The following MYO1E variants were observed in gnomAD, a reference collection of about 807,000 sequenced individuals.
MYO1E encodes unconventional myosin-Ie.
In MYO1E, 68 loss-of-function variants were observed where a neutral mutation model predicts 151.1. That is an observed-to-expected ratio of 0.45 (90% CI 0.37 to 0.55). MYO1E has a LOEUF of 0.55. Among genes scored for constraint, MYO1E ranks in the 20% least tolerant of loss-of-function variants. The probability of loss-of-function intolerance (pLI) is 0.00; values close to 1 mark genes in which losing one functional copy is unlikely to be tolerated. For synonymous variants in MYO1E, 601 were observed against 501.7 expected (o/e 1.20, Z -2.64); for missense variants, 1,363 against 1,389.3 (o/e 0.98, Z 0.30).
Position 59,202,795 on chromosome 15 carries a change from G to A in MYO1E, c.1617-388C>T, listed in dbSNP as rs61126884. Among the ~76,000 whole-genome samples the A allele has an allele frequency of 6.6e-3, 1,002 of 152,200 alleles. 15 individuals carry two copies. The highest frequency in any genetic ancestry group is 0.023 in the African/African-American group (954 of 41,536). On this transcript the variant is annotated intron_variant, in intron 15 of 27. Coordinates refer to ENST00000288235, the MANE Select transcript of MYO1E (RefSeq NM_004998.4). Reference sequence around the variant, plus strand: ...CTCGCTCTACTGCCCAGGTTGGAGCGCAGGGGTTCAATCATGGCTCACTGC... The same window carrying A: ...CTCGCTCTACTGCCCAGGTTGGAGCACAGGGGTTCAATCATGGCTCACTGC...
At chr15:59,147,292 A>G (rs2079446884) in intron 26 of MYO1E, among the ~76,000 whole-genome samples, 1 of 152,182 alleles carries the variant, frequency 6.6e-6, no homozygotes, top group African/African-American at 2.4e-5. Context: ...TGCAGCTCAG[A>G]TGTTTAGTTA....
At chr15:59,212,029 G>A (rs2140341171) in intron 12 of MYO1E, among the ~76,000 whole-genome samples, 1 of 152,058 alleles carries the variant, frequency 6.6e-6, no homozygotes, top group South Asian at 2.1e-4. Context: ...TCTTCAGTGG[G>A]TCCTCATTCC....
chr15:59,291,606 C>T (rs371675976), intron 1 of MYO1E, among the ~76,000 whole-genome samples: 1 of 141,208 alleles, frequency 7.1e-6, no homozygotes, highest in African/African-American at 2.7e-5. Context: ...GAGGTCAAGG[C>T]GTGCGGATCA....
chr15:59,175,895 A>C (rs1253395349), intron 19 of MYO1E, among the ~76,000 whole-genome samples: 2 of 152,240 alleles, frequency 1.3e-5, no homozygotes, highest in Non-Finnish European at 2.9e-5. Flanking sequence ...AGGTTCAAGA[A>C]AAAACCTTGA....
intron 19 of MYO1E, among the ~76,000 whole-genome samples, chr15:59,176,087 C>A (rs1157369283): frequency 6.6e-6 from 1 of 152,154 alleles, no homozygotes; most frequent in Admixed American, 6.5e-5. Context: ...GAGGCAGAGT[C>A]TTGCTCTGTC....
At chr15:59,246,892 G>A (rs554429484) in intron 4 of MYO1E, among the ~76,000 whole-genome samples, 4 of 152,274 alleles carry the variant, frequency 2.6e-5, no homozygotes, top group Non-Finnish European at 4.4e-5. Flanking sequence ...AAGTCTGTGC[G>A]TCATTTATCC....
At position 59,224,958 on chromosome 15, in the gene MYO1E, A is replaced by C. The variant is rs566975531; in HGVS notation, c.643-135T>G. 7.6e-6 allele frequency: 9 copies of C among 1,187,842 alleles called. No homozygotes were observed. The African/African-American group carries it at 1.4e-4, about 18-fold the overall frequency. The allele number at this position is 1,187,842 out of a possible 1,614,324, so 73.6% of individuals were successfully genotyped here. A position where few individuals can be genotyped will look rare whatever the true frequency, so the allele number is the denominator to read the frequency against. On this transcript the variant is annotated intron_variant, in intron 7 of 27. Transcript: ENST00000288235. ...AAATTACAGGCAGTCCTGGCCCCCAAATATGTACTTGTAGTAGCCCCAGGT... is the reference window on the plus strand; with the variant it reads ...AAATTACAGGCAGTCCTGGCCCCCACATATGTACTTGTAGTAGCCCCAGGT...
intron 9 of MYO1E, 89 bp from the exon 10 acceptor site, chr15:59,218,176 C>G: frequency 3.4e-6 from 5 of 1,473,588 alleles, no homozygotes; most frequent in Admixed American, 3.4e-5. Flanking sequence ...CTTATGTGCA[C>G]ATGCACGTGT....
At chr15:59,234,639 G>T (rs2140356733) in intron 5 of MYO1E, among the ~76,000 whole-genome samples, 1 of 152,112 alleles carries the variant, frequency 6.6e-6, no homozygotes, top group South Asian at 2.1e-4. Flanking sequence ...GGGCAATGTG[G>T]TGAAACCCTG....
At chr15:59,335,378 A>T (rs2080722117) in intron 1 of MYO1E, among the ~76,000 whole-genome samples, 1 of 152,194 alleles carries the variant, frequency 6.6e-6, no homozygotes, top group East Asian at 1.9e-4. Context: ...ACAGTATGAG[A>T]TGTAATCTGC....
intron 18 of MYO1E, among the ~76,000 whole-genome samples, chr15:59,179,119 C>A (rs1307897994): frequency 1.3e-5 from 2 of 152,138 alleles, no homozygotes; most frequent in Admixed American, 1.3e-4. Flanking sequence ...TCATGCCCAC[C>A]ATGCCCTTTC....
At chr15:59,170,596 AAC>A (rs1172020417) in intron 22 of MYO1E, among the ~76,000 whole-genome samples, 1 of 152,006 alleles carries the variant, frequency 6.6e-6, no homozygotes, top group Non-Finnish European at 1.5e-5. Flanking sequence ...TTAAAAAAAA[AAC>A]AAAAAAAACA....
chr15:59,371,764 G>A (rs575889251), intron 1 of MYO1E, among the ~76,000 whole-genome samples: 2 of 152,204 alleles, frequency 1.3e-5, no homozygotes, highest in African/African-American at 2.4e-5. Flanking sequence ...CTCTTCAGGA[G>A]GTGTTTACTT....
chr15:59,219,816 A>G (rs936221314), intron 9 of MYO1E, among the ~76,000 whole-genome samples: 3 of 150,782 alleles, frequency 2.0e-5, no homozygotes, highest in African/African-American at 7.5e-5. Flanking sequence ...GTTCTGAAAC[A>G]CTCTTTTTGT....
At chr15:59,271,262 A>G (rs2080287419) in intron 2 of MYO1E, 1 of 152,228 alleles carries the variant, frequency 6.6e-6, no homozygotes, top group Non-Finnish European at 1.5e-5. Context: ...AGTTTAAGTA[A>G]TCATAATAAG....
At chr15:59,202,492 G>C in intron 15 of MYO1E, 85 bp from the exon 16 acceptor site, 1 of 1,242,142 alleles carries the variant, frequency 8.1e-7, no homozygotes. Context: ...TGGGGTGAAG[G>C]GCCGTCCCCA....
chr15:59,213,146 TTATTATTATTATTA>T (rs1210947123), intron 12 of MYO1E, among the ~76,000 whole-genome samples: 1 of 47,592 alleles, frequency 2.1e-5, no homozygotes, highest in Admixed American at 1.7e-4. Context: ...TTTATTATTA[TTATTATTATTATTA>T]TTATTATTAT....
intron 2 of MYO1E, among the ~76,000 whole-genome samples, chr15:59,263,693 G>T (rs1345646562): frequency 6.6e-6 from 1 of 152,116 alleles, no homozygotes; most frequent in Non-Finnish European, 1.5e-5. Flanking sequence ...TTGCTATTAG[G>T]GAAGATGAAG....
chr15:59,282,748 G>A lies in MYO1E; in HGVS notation c.4-10299C>T, dbSNP rs377231375. 4.4e-4 allele frequency among the ~76,000 whole-genome samples: 66 copies of A among 149,754 alleles called. 1 individual carries two copies. Among genetic ancestry groups the A allele is most frequent in the African/African-American group, 9.9e-4 (40 of 40,594 alleles). On this transcript the variant is annotated intron_variant, in intron 1 of 27. Transcript: ENST00000288235. ...GTGGTCCAGGCTACTCTCGAGAGCC[G>A]GAGGCAGGAGGATCGCTTAAGCTCA...
Sources: gnomAD v4.1 joint callset for allele counts (sites outside exome capture counted in the v4.1 genomes callset) on GRCh38, gnomAD v4.1.1 for gene constraint, MANE v1.5 for transcripts, NCBI Gene and HGNC (gene_info 2026-07-23, HGNC 2026-07-21) for gene names.